STK32B: variants seen among roughly 807,000 people sequenced by gnomAD.
The protein encoded by STK32B is serine/threonine-protein kinase 32B.
STK32B carries 43 observed loss-of-function variants against 52.6 expected under a neutral mutation model. The observed-to-expected ratio is 0.82, with a 90% CI of 0.64 to 1.05. The LOEUF (loss-of-function observed/expected upper bound fraction) is 1.05. Ranked by LOEUF, STK32B falls within the 50% of genes least tolerant of loss-of-function variation. The probability of loss-of-function intolerance (pLI) is 0.00; values close to 1 mark genes in which losing one functional copy is unlikely to be tolerated. For missense variants in STK32B, 621 were observed against 534.6 expected (o/e 1.16, Z -1.59); for synonymous variants, 238 against 204.3 (o/e 1.17, Z -1.41).
At chr4:5,318,659 GA>G (rs956934769) in intron 3 of STK32B, among the ~76,000 whole-genome samples, 2 of 152,076 alleles carry the variant, frequency 1.3e-5, no homozygotes, top group African/African-American at 4.8e-5. Context: ...AACAGCATAA[GA>G]AAAGGTACAC....
the STK32B span, among the ~76,000 whole-genome samples, chr4:5,046,146 G>T: frequency 2.0e-5 from 3 of 152,246 alleles, no homozygotes; most frequent in East Asian, 5.8e-4. Flanking sequence ...AAACAGCATG[G>T]TAGTGGTACC....
At position 5,470,340 on chromosome 4, in the gene STK32B, G is replaced by C. The variant is rs905500852; in HGVS notation, c.1106+2270G>C. On this transcript the variant is annotated intron_variant, in intron 11 of 11. Transcript: ENST00000282908. This position sits in a 1 kb window ranked among gnomAD's most constrained non-coding sequence, Gnocchi z 4.6. ...AGATTTGGCATCGGGGATTGGAAGT[G>C]AGGCTGGCATAGTTTACCGGAGTCA... 2.6e-5 allele frequency among the ~76,000 whole-genome samples: 4 copies of C among 152,326 alleles called. No individual in the cohort carries two copies. The highest frequency in any genetic ancestry group is 2.6e-4 in the Admixed American group (4 of 15,306).
In STK32B at chr4:5,485,102, G is replaced by A. The variant is rs529813078; in HGVS notation, c.1107-13843G>A. Among the ~76,000 whole-genome samples the A allele has an allele frequency of 2.6e-4, 40 of 151,812 alleles. No individual in the cohort carries two copies. The South Asian group carries it at 4.0e-3, about 15-fold the overall frequency. On this transcript the variant is annotated intron_variant, in intron 11 of 11. Coordinates refer to ENST00000282908, the MANE Select transcript of STK32B (RefSeq NM_018401.3). The stretch of plus-strand genomic sequence containing the variant: ...TCTTCTCGTGGAGTATCTTGGTGGC[G>A]TTCTCTGTATTTCCTGAATCTGAAT...
chr4:5,118,709 G>T (rs1442660412), intron 1 of STK32B, among the ~76,000 whole-genome samples: 1 of 152,156 alleles, frequency 6.6e-6, no homozygotes, highest in African/African-American at 2.4e-5. Context: ...CTGTCTTCCT[G>T]CTCAGAAGGT....
chr4:5,193,671 C>A (rs1005896822), intron 3 of STK32B, among the ~76,000 whole-genome samples: 1 of 152,226 alleles, frequency 6.6e-6, no homozygotes, highest in East Asian at 1.9e-4. Flanking sequence ...GGCTTCTTCA[C>A]AAGTGAGATT....
At chr4:5,423,857 A>G (rs561898199) in intron 6 of STK32B, among the ~76,000 whole-genome samples, 254 of 152,280 alleles carry the variant, frequency 1.7e-3, no homozygotes, top group African/African-American at 6.0e-3. Context: ...TCCATGCTCC[A>G]CAGAGCCAAT....
At chr4:5,328,558 A>G (rs1732023507) in intron 3 of STK32B, among the ~76,000 whole-genome samples, 2 of 152,218 alleles carry the variant, frequency 1.3e-5, no homozygotes, top group African/African-American at 2.4e-5. Flanking sequence ...ACCTTTATCC[A>G]TGAAGCTTTG....
chr4:5,025,453 C>G, the STK32B span, among the ~76,000 whole-genome samples: 2 of 152,190 alleles, frequency 1.3e-5, no homozygotes, highest in Non-Finnish European at 2.9e-5. Context: ...TGCTTAGACA[C>G]CTGCAGCTCA....
chr4:5,465,058 T>C (rs1471033311), intron 9 of STK32B, among the ~76,000 whole-genome samples: 2 of 152,050 alleles, frequency 1.3e-5, no homozygotes, highest in African/African-American at 2.4e-5. Context: ...GGAGAGGCCA[T>C]TGGTACCGCG....
chr4:5,468,363 G>T (rs766547634), intron 11 of STK32B, among the ~76,000 whole-genome samples: 3 of 152,190 alleles, frequency 2.0e-5, no homozygotes, highest in Non-Finnish European at 2.9e-5. Context: ...GGAGAGGCAG[G>T]CTCACTGTGA....
intron 3 of STK32B, among the ~76,000 whole-genome samples, chr4:5,328,695 G>A (rs539258096): frequency 1.5e-3 from 227 of 152,336 alleles, no homozygotes; most frequent in African/African-American, 4.8e-3. Context: ...ACCAAAATGT[G>A]ACACAGAGAT....
chr4:5,053,790 C>A (rs1419145508), intron 1 of STK32B, among the ~76,000 whole-genome samples: 1 of 150,030 alleles, frequency 6.7e-6, no homozygotes, highest in Non-Finnish European at 1.5e-5. Context: ...GCCTGCCTGG[C>A]CAACATGATG....
intron 1 of STK32B, among the ~76,000 whole-genome samples, chr4:5,070,581 A>T (rs1362382715): frequency 6.6e-6 from 1 of 152,184 alleles, no homozygotes; most frequent in Non-Finnish European, 1.5e-5. Context: ...TTACTTGGAG[A>T]TACAGGATAA....
At chr4:5,346,238 C>T (rs1733449080) in intron 4 of STK32B, among the ~76,000 whole-genome samples, 1 of 152,142 alleles carries the variant, frequency 6.6e-6, no homozygotes, top group African/African-American at 2.4e-5. Flanking sequence ...AGAATTATAC[C>T]AAGTAGCAAG....
intron 1 of STK32B, among the ~76,000 whole-genome samples, chr4:5,066,607 A>T (rs1289826692): frequency 1.3e-5 from 2 of 152,180 alleles, no homozygotes; most frequent in Non-Finnish European, 2.9e-5. Flanking sequence ...CCTTCACTGA[A>T]TGAGTTCAAT....
At chr4:5,258,413 T>C (rs1023449519) in intron 3 of STK32B, among the ~76,000 whole-genome samples, 2 of 152,164 alleles carry the variant, frequency 1.3e-5, no homozygotes. Context: ...TCTCAATAAA[T>C]GTTGCTGGTG....
At chr4:5,227,860 A>G (rs1168117970) in intron 3 of STK32B, among the ~76,000 whole-genome samples, 2 of 152,202 alleles carry the variant, frequency 1.3e-5, no homozygotes, top group Non-Finnish European at 2.9e-5. Context: ...AATTTGAGGT[A>G]GTGAGAAATC....
At position 5,399,665 on chromosome 4, in the gene STK32B, C is replaced by T. The variant is rs528924918; in HGVS notation, c.472+1421C>T. 6.6e-6 allele frequency among the ~76,000 whole-genome samples: 1 copy of T among 152,326 alleles called. No individual in the cohort carries two copies. Among genetic ancestry groups the T allele is most frequent in the African/African-American group, 2.4e-5 (1 of 41,576 alleles). On this transcript the variant is annotated intron_variant, in intron 5 of 11. Transcript: ENST00000282908. The surrounding 1 kb of genome is among the most constrained non-coding windows in gnomAD (Gnocchi z 5.4). ...CAGATGTGGCACTCAGCTGAGCCCCCAGCCAGCTGAATGTCCTTGGGCCAG... is the reference window on the plus strand; with the variant it reads ...CAGATGTGGCACTCAGCTGAGCCCCTAGCCAGCTGAATGTCCTTGGGCCAG...
chr4:5,497,782 ACC>A (rs1720413820), intron 11 of STK32B, among the ~76,000 whole-genome samples: 1 of 152,130 alleles, frequency 6.6e-6, no homozygotes, highest in Admixed American at 6.5e-5. Context: ...TCTTAGGATA[ACC>A]CTCAGGACCC....
Sources: gnomAD v4.1 joint callset for allele counts (sites outside exome capture counted in the v4.1 genomes callset) on GRCh38, gnomAD v4.1.1 for gene constraint, Gnocchi (gnomAD v3.1) non-coding constraint, MANE v1.5 for transcripts, NCBI Gene and HGNC (gene_info 2026-07-23, HGNC 2026-07-21) for gene names.